The following MIB1 variants were observed in gnomAD, a reference collection of about 807,000 sequenced individuals.
MIB1 encodes MIB E3 ubiquitin protein ligase 1.
A neutral mutation model predicts 124.5 loss-of-function variants in MIB1; 278 were observed. The observed-to-expected ratio is 2.23, with a 90% CI of 2.02 to 2.47. The LOEUF (loss-of-function observed/expected upper bound fraction) is 2.47, where lower values mean the gene tolerates loss of function less well. Among genes scored for constraint, MIB1 ranks in the 30% most tolerant of loss-of-function variants. MIB1 has a pLI of 0.00. For synonymous variants in MIB1, 446 were observed against 429.4 expected, an observed-to-expected ratio of 1.04 and a Z score of -0.48; for missense variants, 957 against 1,254.4, an observed-to-expected ratio of 0.76 and a Z score of 3.58.
intron 11 of MIB1, among the ~76,000 whole-genome samples, chr18:21,817,370 C>T (rs1489720264): frequency 6.6e-6 from 1 of 151,936 alleles, no homozygotes; most frequent in Non-Finnish European, 1.5e-5. Flanking sequence ...AGCAATCTTC[C>T]TGCTCCCACC....
At position 21,856,399 on chromosome 18, in the gene MIB1, A is replaced by G. The variant is rs976450571; in HGVS notation, c.2666-731A>G. On this transcript the variant is annotated intron_variant, in intron 18 of 20. Coordinates refer to ENST00000261537, the MANE Select transcript of MIB1 (RefSeq NM_020774.4). ...ATATTAGAAAGATAGTCTTTTATGA[A>G]AATTAAATTTTTTTCCTGAACTGCT... Among the ~76,000 whole-genome samples the G allele has an allele frequency of 1.1e-4, 16 of 152,330 alleles. No individual in the cohort carries two copies. The East Asian group carries it at 2.9e-3, about 28-fold the overall frequency.
intron 7 of MIB1, chr18:21,794,065 G>A (rs2041544638): frequency 6.6e-6 from 1 of 152,122 alleles, no homozygotes; most frequent in Non-Finnish European, 1.5e-5. Flanking sequence ...ATCAAAAACA[G>A]AGCAGGTCAA....
chr18:21,822,496 A>G (rs986580638), intron 12 of MIB1, among the ~76,000 whole-genome samples: 4 of 152,232 alleles, frequency 2.6e-5, no homozygotes, highest in African/African-American at 9.6e-5. Flanking sequence ...TTAACAAAGT[A>G]GTGCTTCAGT....
Position 21,773,682 on chromosome 18 carries a change from G to A in MIB1, c.590G>A (p.Trp197Ter), listed in dbSNP as rs1374353865. ...SSPHSAAYVL[W>*]DNGAKNLYRV... ...CCACATAGCGCAGCATATGTCCTCTGGGATAATGGTGCTAAGAACCTTTAC... is the reference window on the plus strand; with the variant it reads ...CCACATAGCGCAGCATATGTCCTCTAGGATAATGGTGCTAAGAACCTTTAC... The change falls in exon 4 of 21, where the codon TGG becomes TAG. Residue 197 changes from tryptophan (W) to a stop codon, truncating the protein, a stop_gained. Transcript: ENST00000261537. LOFTEE classifies it high-confidence loss of function. 2 of 1,609,066 alleles carry A rather than the reference G, an allele frequency of 1.2e-6. No individual in the cohort carries two copies. Among genetic ancestry groups the A allele is most frequent in the South Asian group, 1.1e-5 (1 of 90,038 alleles).
chr18:21,813,703 G>A (rs989158245), intron 10 of MIB1, among the ~76,000 whole-genome samples: 6 of 152,202 alleles, frequency 3.9e-5, no homozygotes, highest in Non-Finnish European at 8.8e-5. Flanking sequence ...AACTATTTAA[G>A]TGCATTTAAT....
intron 12 of MIB1, among the ~76,000 whole-genome samples, chr18:21,830,342 C>G (rs1410900353): frequency 1.3e-5 from 2 of 152,054 alleles, no homozygotes; most frequent in Non-Finnish European, 2.9e-5. Flanking sequence ...ACTAGAGATG[C>G]AAAATCATCA....
intron 1 of MIB1, among the ~76,000 whole-genome samples, chr18:21,758,432 C>CG (rs1426960275): frequency 2.6e-5 from 4 of 151,930 alleles, no homozygotes; most frequent in African/African-American, 4.8e-5. Context: ...ATTTGATTTG[C>CG]GGTTAAAGTT....
intron 12 of MIB1, among the ~76,000 whole-genome samples, chr18:21,822,760 G>C (rs1172083192): frequency 6.6e-6 from 1 of 151,940 alleles, no homozygotes; most frequent in Non-Finnish European, 1.5e-5. Flanking sequence ...GCCATTTTTA[G>C]TGTACTCGGA....
rs2040624961 is a variant in MIB1, at chr18:21,706,160, C to G, written n.167+1037C>G. On this transcript the variant is annotated intron_variant and non_coding_transcript_variant, in intron 1 of 20. Coordinates refer to the MIB1 transcript ENST00000578646. Reference sequence around the variant, plus strand: ...GCAATGGCGAGATCTCGGGTCACTGCAACCTCCACCTCCCGGGTTCACGTG... The same window carrying G: ...GCAATGGCGAGATCTCGGGTCACTGGAACCTCCACCTCCCGGGTTCACGTG... Among the ~76,000 whole-genome samples, 3 of 152,194 alleles carry G rather than the reference C, an allele frequency of 2.0e-5. 1 individual carries two copies. In the South Asian group the frequency reaches 6.2e-4, roughly 32 times the overall value.
chr18:21,791,838 A>C (rs1161278149), intron 7 of MIB1, among the ~76,000 whole-genome samples: 1 of 152,044 alleles, frequency 6.6e-6, no homozygotes, highest in Admixed American at 6.6e-5. Flanking sequence ...CTGATACTTA[A>C]CCCCAGAATG....
chr18:21,822,473 A>G (rs2041887755), intron 12 of MIB1, among the ~76,000 whole-genome samples: 2 of 152,334 alleles, frequency 1.3e-5, no homozygotes, highest in Admixed American at 6.5e-5. Flanking sequence ...TTAAAAAAAA[A>G]TGCTTTTATT....
intron 12 of MIB1, chr18:21,829,199 T>C: frequency 2.9e-6 from 1 of 340,792 alleles, no homozygotes. Flanking sequence ...AGAGACTAAT[T>C]TATCGAAGAC....
rs1006878351 is a variant in MIB1, at chr18:21,865,782, C to G, written c.*1116C>G. ...AAGAAAACAGTCTTTCTGTGTATAC[C>G]TACGGATGAGGGTATTATTTAAACT... is the stretch of plus-strand genomic sequence containing the variant. On this transcript the variant is annotated 3_prime_UTR_variant, in exon 21 of 21. Transcript: ENST00000261537. 6.6e-6 allele frequency: 1 copy of G among 151,930 alleles called. No individual in the cohort carries two copies. Among genetic ancestry groups the G allele is most frequent in the African/African-American group, 2.4e-5 (1 of 41,206 alleles). The allele number at this position is 151,930 out of a possible 1,614,324, so 9.4% of individuals were successfully genotyped here.
intron 6 of MIB1, among the ~76,000 whole-genome samples, chr18:21,784,496 A>C (rs2041411010): frequency 6.6e-6 from 1 of 152,246 alleles, no homozygotes; most frequent in Admixed American, 6.5e-5. Flanking sequence ...ATAATAAAGA[A>C]AATATATAGA....
intron 2 of MIB1, among the ~76,000 whole-genome samples, chr18:21,767,283 C>CG (rs1311842254): frequency 6.6e-6 from 1 of 152,116 alleles, no homozygotes; most frequent in Non-Finnish European, 1.5e-5. Flanking sequence ...GAAGCAAACA[C>CG]GCCCTTCCTT....
intron 20 of MIB1, among the ~76,000 whole-genome samples, chr18:21,862,491 A>G (rs1235986315): frequency 6.6e-6 from 1 of 152,236 alleles, no homozygotes; most frequent in Non-Finnish European, 1.5e-5. Flanking sequence ...GATTTTATAA[A>G]TGTAAAATGT....
At chr18:21,787,985 A>G (rs902977487) in intron 6 of MIB1, among the ~76,000 whole-genome samples, 2 of 152,106 alleles carry the variant, frequency 1.3e-5, no homozygotes, top group Admixed American at 6.5e-5. Flanking sequence ...TCTACATCCT[A>G]TAAATACTGA....
chr18:21,853,793 G>A (rs2042201758), intron 18 of MIB1, among the ~76,000 whole-genome samples: 1 of 151,936 alleles, frequency 6.6e-6, no homozygotes, highest in Non-Finnish European at 1.5e-5. Flanking sequence ...TATTGCCCTT[G>A]TTCAAGTTCA....
At chr18:21,800,981 T>C (rs2041644835) in intron 9 of MIB1, among the ~76,000 whole-genome samples, 1 of 152,062 alleles carries the variant, frequency 6.6e-6, no homozygotes, top group Non-Finnish European at 1.5e-5. Flanking sequence ...TTTTTCTTCA[T>C]TTACTTACTA....
Sources: gnomAD v4.1 joint callset for allele counts (sites outside exome capture counted in the v4.1 genomes callset) on GRCh38, gnomAD v4.1.1 for gene constraint, MANE v1.5 for transcripts, NCBI Gene and HGNC (gene_info 2026-07-23, HGNC 2026-07-21) for gene names.